The following DOCK4 variants were observed in gnomAD, a reference collection of about 807,000 sequenced individuals.
DOCK4 encodes the protein dedicator of cytokinesis 4, also known as dedicator of cytokinesis protein 4.
Under a neutral mutation model 268.1 loss-of-function variants are expected in DOCK4, and 97 were observed. The observed-to-expected ratio is 0.36, with a 90% CI of 0.31 to 0.43. The LOEUF (loss-of-function observed/expected upper bound fraction) is 0.43, where lower values mean the gene tolerates loss of function less well. Among genes scored for constraint, DOCK4 ranks in the 20% least tolerant of loss-of-function variants. The pLI is 1.00. For synonymous variants in DOCK4, 954 were observed against 887.2 expected, an observed-to-expected ratio of 1.08 and a Z score of -1.34; for missense variants, 2,145 against 2,455.7, an observed-to-expected ratio of 0.87 and a Z score of 2.67.
chr7:111,823,569 T>C (rs771544666), intron 26 of DOCK4, among the ~76,000 whole-genome samples: 1 of 152,090 alleles, frequency 6.6e-6, no homozygotes, highest in African/African-American at 2.4e-5. Flanking sequence ...CATACAATAC[T>C]TAAAGTGGAA....
intron 13 of DOCK4, among the ~76,000 whole-genome samples, chr7:111,908,652 T>G (rs1002385476): frequency 1.3e-5 from 2 of 152,082 alleles, no homozygotes; most frequent in Non-Finnish European, 2.9e-5. Context: ...ATCTAGGTTT[T>G]AAGCCCCGCA....
At chr7:112,117,005 G>A (rs1812236489) in intron 1 of DOCK4, among the ~76,000 whole-genome samples, 1 of 152,192 alleles carries the variant, frequency 6.6e-6, no homozygotes, top group African/African-American at 2.4e-5. Context: ...TATTTAGTGT[G>A]TTTCCTCTGA....
At chr7:112,131,834 C>T (rs867014355) in intron 1 of DOCK4, among the ~76,000 whole-genome samples, 19 of 152,102 alleles carry the variant, frequency 1.2e-4, no homozygotes, top group African/African-American at 4.3e-4. Flanking sequence ...TTGTAACACA[C>T]TTCATGGTTT....
chr7:111,829,525 A>G (rs555526819), intron 26 of DOCK4, among the ~76,000 whole-genome samples: 1 of 152,310 alleles, frequency 6.6e-6, no homozygotes, highest in South Asian at 2.1e-4. Flanking sequence ...ACTGCAGTTT[A>G]TACATATTAT....
chr7:111,733,259 A>G (rs1361692725), intron 51 of DOCK4, among the ~76,000 whole-genome samples: 11 of 152,242 alleles, frequency 7.2e-5, no homozygotes, highest in Admixed American at 7.2e-4. Flanking sequence ...TGATGACATA[A>G]GAACAGACCA....
At chr7:112,064,037 G>A (rs1043977672) in intron 1 of DOCK4, among the ~76,000 whole-genome samples, 1 of 152,138 alleles carries the variant, frequency 6.6e-6, no homozygotes, top group African/African-American at 2.4e-5. Flanking sequence ...TCCATCAGAC[G>A]TGAGTTTTGA....
intron 1 of DOCK4, among the ~76,000 whole-genome samples, chr7:112,112,440 G>C (rs889423561): frequency 6.6e-6 from 1 of 151,980 alleles, no homozygotes; most frequent in African/African-American, 2.4e-5. Flanking sequence ...TCAGGAGTTC[G>C]AGACCAGCCT....
rs202009366 is a variant in DOCK4 at position 111,872,426 on chromosome 7, A to G, written c.1842+41T>C. 3.2e-6 allele frequency: 5 copies of G among 1,538,626 alleles called. No individual in the cohort carries two copies. The East Asian group carries it at 7.1e-5, about 22-fold the overall frequency. On this transcript the variant is annotated intron_variant, in intron 18 of 52. Transcript: ENST00000428084. ...TTTTCCTCCAAATGTTCTTTATTCT[A>G]TGAATCTCTGCAAGGAAAATAGTAA...
chr7:112,108,220 T>G lies in DOCK4; in HGVS notation c.37+97882A>C, dbSNP rs143774452. 1.8e-3 allele frequency among the ~76,000 whole-genome samples: 276 copies of G among 152,210 alleles called. 1 individual carries two copies. The highest frequency in any genetic ancestry group is 6.0e-3 in the African/African-American group (251 of 41,540). ...CAAGCTATCCTGAACCCTAAAGAGC[T>G]TGCAAAAATAAATACCACTCTCTAA... is the stretch of plus-strand genomic sequence containing the variant. On this transcript the variant is annotated intron_variant, in intron 1 of 52. Coordinates refer to ENST00000428084, the MANE Select transcript of DOCK4 (RefSeq NM_001363540.2).
intron 27 of DOCK4, among the ~76,000 whole-genome samples, chr7:111,816,777 C>A (rs1290358900): frequency 6.6e-6 from 1 of 152,178 alleles, no homozygotes; most frequent in Non-Finnish European, 1.5e-5. Context: ...TATTAGATGA[C>A]TCTAAAATGT....
chr7:112,062,457 T>G (rs1806507488), intron 1 of DOCK4, among the ~76,000 whole-genome samples: 2 of 152,198 alleles, frequency 1.3e-5, no homozygotes, highest in African/African-American at 4.8e-5. Flanking sequence ...CAGCTGTCAA[T>G]GTTTTTATAT....
chr7:112,185,427 T>C (rs1233403366), intron 1 of DOCK4, among the ~76,000 whole-genome samples: 1 of 152,190 alleles, frequency 6.6e-6, no homozygotes, highest in Non-Finnish European at 1.5e-5. Flanking sequence ...TCTCTCTGTC[T>C]ACCTTATAAG....
At chr7:111,762,569 T>C (rs758092304) in intron 39 of DOCK4, among the ~76,000 whole-genome samples, 18 of 152,044 alleles carry the variant, frequency 1.2e-4, no homozygotes, top group Non-Finnish European at 2.1e-4. Context: ...AGATATGCTG[T>C]GTTTTGTTTA....
At chr7:111,829,404 A>G (rs1802640597) in intron 26 of DOCK4, among the ~76,000 whole-genome samples, 1 of 152,182 alleles carries the variant, frequency 6.6e-6, no homozygotes, top group Non-Finnish European at 1.5e-5. Flanking sequence ...GCATCAGTCA[A>G]TCTCATGGCG....
At chr7:111,832,475 T>C (rs1345065495) in intron 26 of DOCK4, among the ~76,000 whole-genome samples, 2 of 152,190 alleles carry the variant, frequency 1.3e-5, no homozygotes, top group African/African-American at 4.8e-5. Context: ...ATCCACTTCC[T>C]GAATGGCAGA....
At chr7:111,862,698 G>A (rs1464415082) in intron 23 of DOCK4, among the ~76,000 whole-genome samples, 3 of 151,736 alleles carry the variant, frequency 2.0e-5, no homozygotes, top group African/African-American at 7.3e-5. Flanking sequence ...CACCATGTTG[G>A]CCAGGCTGGT....
chr7:111,989,087 A>G lies in DOCK4; in HGVS notation c.392T>C (p.Val131Ala). 6.2e-7 allele frequency: 1 copy of G among 1,614,004 alleles called. No homozygotes were observed. Among genetic ancestry groups the G allele is most frequent in the East Asian group, 2.2e-5 (1 of 44,874 alleles). The stretch of plus-strand genomic sequence containing the variant: ...CATCCGGTCGTGGGTGAGGTGGCCC[A>G]CCAGCACCTGCCGCCTCAGGTCCAG... ...EILDLRRQVL[V>A]GHLTHDRMKD... is the part of the protein sequence containing the mutation. Residue 131 changes from valine (V) to alanine (A), a missense_variant, in exon 6 of 53, where the codon GTG becomes GCG. Val to Ala is a moderately conservative substitution (Grantham distance 64). Around this residue, in one of 2 missense-constraint regions of DOCK4, gnomAD observed 1,598 missense variants for 1,986.7 expected, o/e 0.80. Transcript: ENST00000428084.
chr7:112,119,429 A>G (rs1812502540), intron 1 of DOCK4, among the ~76,000 whole-genome samples: 1 of 152,202 alleles, frequency 6.6e-6, no homozygotes, highest in African/African-American at 2.4e-5. Flanking sequence ...CAAAGTTAAA[A>G]GCCCAACACC....
At chr7:111,908,697 C>G (rs112244784) in intron 13 of DOCK4, among the ~76,000 whole-genome samples, 27,324 of 151,880 alleles carry the variant, frequency 0.18, 2,598 homozygotes, top group Non-Finnish European at 0.22. Flanking sequence ...TCTCCCTCCC[C>G]TTGCCCCCCA....
Sources: allele counts gnomAD v4.1 joint callset (sites outside exome capture counted in the v4.1 genomes callset), GRCh38; gene constraint gnomAD v4.1.1; regional missense constraint gnomAD v4.1.1; transcripts MANE v1.5; gene names NCBI Gene and HGNC (gene_info 2026-07-23, HGNC 2026-07-21).